The following UBE2H variants were observed in gnomAD, a reference collection of about 807,000 sequenced individuals.
UBE2H encodes ubiquitin-conjugating enzyme E2 H.
UBE2H carries 3 observed loss-of-function variants against 29.0 expected under a neutral mutation model. The ratio of observed to expected loss-of-function variants is 0.10; its 90% CI spans 0.05 to 0.27. UBE2H has a LOEUF of 0.27. Among genes scored for constraint, UBE2H ranks in the 10% least tolerant of loss-of-function variants. UBE2H has a pLI of 1.00. For synonymous variants in UBE2H, 69 were observed against 82.9 expected, an observed-to-expected ratio of 0.83 and a Z score of 0.91; for missense variants, 68 against 228.2, an observed-to-expected ratio of 0.30 and a Z score of 4.52.
At chr7:129,905,835 G>A (rs1429154091) in intron 1 of UBE2H, among the ~76,000 whole-genome samples, 3 of 152,142 alleles carry the variant, frequency 2.0e-5, no homozygotes, top group Non-Finnish European at 2.9e-5. Flanking sequence ...GCTCACGCCT[G>A]CAGTCCCAGC....
At chr7:129,838,742 G>A (rs533500397) in intron 6 of UBE2H, among the ~76,000 whole-genome samples, 13 of 152,180 alleles carry the variant, frequency 8.5e-5, no homozygotes, top group Admixed American at 3.3e-4. Flanking sequence ...TGGTTCAGGC[G>A]ATTCTCTTGC....
At chr7:129,839,552 T>G (rs989473464) in intron 5 of UBE2H, 2 of 484,642 alleles carry the variant, frequency 4.1e-6, no homozygotes, top group African/African-American at 4.1e-5. Flanking sequence ...AAGATATACC[T>G]GACATTCACT....
chr7:129,852,485 G>C (rs562222740), intron 5 of UBE2H, among the ~76,000 whole-genome samples: 2 of 151,064 alleles, frequency 1.3e-5, no homozygotes, highest in African/African-American at 4.9e-5. Flanking sequence ...AAAAAAATTT[G>C]TATCTCTTGC....
chr7:129,909,872 G>C (rs1207499906), intron 1 of UBE2H, among the ~76,000 whole-genome samples: 1 of 152,096 alleles, frequency 6.6e-6, no homozygotes. Context: ...GGTGGGAGTT[G>C]GAGCCACAAG....
At chr7:129,898,349 A>G (rs895258739) in intron 1 of UBE2H, among the ~76,000 whole-genome samples, 2 of 152,212 alleles carry the variant, frequency 1.3e-5, no homozygotes, top group African/African-American at 4.8e-5. Flanking sequence ...TACAATTAGG[A>G]CATATGAAGT....
At chr7:129,865,443 TG>T (rs879728221) in intron 3 of UBE2H, among the ~76,000 whole-genome samples, 1 of 152,186 alleles carries the variant, frequency 6.6e-6, no homozygotes, top group African/African-American at 2.4e-5. Context: ...TGATCAAATT[TG>T]TGGGTAGATG....
intron 1 of UBE2H, among the ~76,000 whole-genome samples, chr7:129,904,072 T>G (rs1806769090): frequency 6.6e-6 from 1 of 152,198 alleles, no homozygotes; most frequent in South Asian, 2.1e-4. Flanking sequence ...CTGTCTAATT[T>G]CACTCATCCA....
chr7:129,942,092 C>T (rs1807657359), intron 1 of UBE2H, among the ~76,000 whole-genome samples: 1 of 151,776 alleles, frequency 6.6e-6, no homozygotes, highest in South Asian at 2.1e-4. Flanking sequence ...CGCCTGTAGT[C>T]CCAGCTACTC....
At chr7:129,908,588 G>GAA (rs1806867156) in intron 1 of UBE2H, among the ~76,000 whole-genome samples, 1 of 152,176 alleles carries the variant, frequency 6.6e-6, no homozygotes, top group Non-Finnish European at 1.5e-5. Context: ...TTGTTATGTA[G>GAA]ATTACTAAGC....
chr7:129,936,338 T>C (rs1182871136), intron 1 of UBE2H, among the ~76,000 whole-genome samples: 2 of 152,208 alleles, frequency 1.3e-5, no homozygotes, highest in Non-Finnish European at 2.9e-5. Context: ...CTCACGCCTG[T>C]AATCCCAGTA....
intron 3 of UBE2H, among the ~76,000 whole-genome samples, chr7:129,878,766 T>C (rs1210981424): frequency 6.6e-6 from 1 of 151,696 alleles, no homozygotes; most frequent in Admixed American, 6.6e-5. Flanking sequence ...CTTAGTCTGA[T>C]TCTCAGAGAA....
intron 3 of UBE2H, among the ~76,000 whole-genome samples, chr7:129,879,008 A>C (rs1806202818): frequency 6.6e-6 from 1 of 152,182 alleles, no homozygotes; most frequent in Non-Finnish European, 1.5e-5. Context: ...TTAAGGTAAA[A>C]GGAGATGAAG....
At chr7:129,936,966 G>A (rs1313381733) in intron 1 of UBE2H, among the ~76,000 whole-genome samples, 1 of 149,398 alleles carries the variant, frequency 6.7e-6, no homozygotes, top group Non-Finnish European at 1.5e-5. Context: ...CAACAAGTGT[G>A]AGGCTCCATA....
At chr7:129,899,611 AACTT>A (rs1367908334) in intron 1 of UBE2H, among the ~76,000 whole-genome samples, 2 of 152,178 alleles carry the variant, frequency 1.3e-5, no homozygotes, top group African/African-American at 4.8e-5. Flanking sequence ...CACGAACAAA[AACTT>A]ACTAAGATAT....
rs995103233 is a variant in UBE2H, at chr7:129,952,746, G to A, written c.-191C>T. ...CCGGGCACTGTCCGGCCGGGTGGGG[G>A]TGGGGACCCTGCGGCGCCCGGCTCG... On this transcript the variant is annotated 5_prime_UTR_variant, in exon 1 of 7. Coordinates refer to ENST00000355621, the MANE Select transcript of UBE2H (RefSeq NM_003344.4). 1.3e-4 allele frequency: 65 copies of A among 490,660 alleles called. No homozygotes were observed. Among genetic ancestry groups the A allele is most frequent in the Non-Finnish European group, 2.0e-4 (62 of 317,854 alleles). The allele number at this position is 490,660 out of a possible 1,614,324, so 30.4% of individuals were successfully genotyped here. A position where few individuals can be genotyped will look rare whatever the true frequency, so the allele number is the denominator to read the frequency against.
intron 5 of UBE2H, among the ~76,000 whole-genome samples, chr7:129,840,323 A>G (rs942227287): frequency 6.6e-6 from 1 of 151,892 alleles, no homozygotes; most frequent in Admixed American, 6.6e-5. Context: ...AGTAAATTGG[A>G]CTATAGGCAT....
At chr7:129,942,331 T>TA (rs950123148) in intron 1 of UBE2H, among the ~76,000 whole-genome samples, 6 of 128,048 alleles carry the variant, frequency 4.7e-5, no homozygotes, top group Non-Finnish European at 6.5e-5. Flanking sequence ...CTACTAAAAA[T>TA]AAAAAATTAG....
chr7:129,952,562 G>A lies in UBE2H; in HGVS notation c.-7C>T. 1 of 1,610,436 alleles carries A rather than the reference G, an allele frequency of 6.2e-7. No homozygotes were observed. Reference sequence around the variant, plus strand: ...CCGGACTGGGAGATGACATGGTGTCGCCGCCGCCTCTCTCCCTTCCTCGGC... The same window carrying A: ...CCGGACTGGGAGATGACATGGTGTCACCGCCGCCTCTCTCCCTTCCTCGGC... On this transcript the variant is annotated 5_prime_UTR_variant, in exon 1 of 7. Transcript: ENST00000355621.
intron 1 of UBE2H, among the ~76,000 whole-genome samples, chr7:129,889,628 C>T (rs891835509): frequency 2.0e-5 from 3 of 152,090 alleles, no homozygotes; most frequent in East Asian, 3.8e-4. Context: ...GTGCAAGCTC[C>T]GTAAGAGCAG....
Sources: gnomAD v4.1 joint callset for allele counts (sites outside exome capture counted in the v4.1 genomes callset) on GRCh38, gnomAD v4.1.1 for gene constraint, MANE v1.5 for transcripts, NCBI Gene and HGNC (gene_info 2026-07-23, HGNC 2026-07-21) for gene names.